Variants in PPARGC1A observed in about 807,000 individuals in gnomAD.
PPARGC1A encodes PPARG coactivator 1 alpha.
In PPARGC1A, 25 loss-of-function variants were observed where a neutral mutation model predicts 88.7. The observed-to-expected ratio is 0.28, with a 90% CI of 0.21 to 0.39. The LOEUF (loss-of-function observed/expected upper bound fraction) is 0.39, where lower values mean the gene tolerates loss of function less well. Ranked by LOEUF, PPARGC1A falls within the 10% of genes least tolerant of loss-of-function variation. PPARGC1A has a pLI of 1.00. For synonymous variants in PPARGC1A, 363 were observed against 355.6 expected (o/e 1.02, Z -0.24); for missense variants, 880 against 968.7 (o/e 0.91, Z 1.22).
chr4:24,053,496 A>AG, the PPARGC1A span, among the ~76,000 whole-genome samples: 80,751 of 151,760 alleles, frequency 0.53, 22,811 homozygotes, highest in Non-Finnish European at 0.64. Flanking sequence ...GGAAAAAATG[A>AG]GGGCAATAAG....
the PPARGC1A span, among the ~76,000 whole-genome samples, chr4:24,073,810 C>A: frequency 6.6e-6 from 1 of 152,196 alleles, no homozygotes; most frequent in East Asian, 1.9e-4. Context: ...ACTAGCACTG[C>A]ACTGGCCTCT....
the PPARGC1A span, among the ~76,000 whole-genome samples, chr4:24,189,660 T>C: frequency 3.8e-3 from 582 of 152,270 alleles, 1 homozygote; most frequent in Non-Finnish European, 7.0e-3. Context: ...TTCTGGCTTG[T>C]ATTCACAATT....
chr4:24,288,709 C>T, the PPARGC1A span, among the ~76,000 whole-genome samples: 1 of 151,932 alleles, frequency 6.6e-6, no homozygotes, highest in Non-Finnish European at 1.5e-5. Context: ...TCTACAAGAA[C>T]AAGACATGCA....
chr4:24,150,343 T>C, the PPARGC1A span, among the ~76,000 whole-genome samples: 1 of 152,220 alleles, frequency 6.6e-6, no homozygotes, highest in Non-Finnish European at 1.5e-5. Flanking sequence ...ATTAATGTAT[T>C]ATTCTTCAAC....
the PPARGC1A span, among the ~76,000 whole-genome samples, chr4:24,307,495 T>C: frequency 1.3e-5 from 2 of 152,206 alleles, no homozygotes; most frequent in Non-Finnish European, 2.9e-5. Context: ...TGTTGAGCAC[T>C]CTTGGGAATT....
At chr4:24,330,236 G>A in the PPARGC1A span, among the ~76,000 whole-genome samples, 2 of 152,212 alleles carry the variant, frequency 1.3e-5, no homozygotes, top group Non-Finnish European at 2.9e-5. Context: ...TCATGTGACT[G>A]CTTTGACCAA....
the PPARGC1A span, among the ~76,000 whole-genome samples, chr4:24,159,900 T>C: frequency 6.6e-6 from 1 of 152,182 alleles, no homozygotes; most frequent in Non-Finnish European, 1.5e-5. Flanking sequence ...CATATAGTGA[T>C]CACACTGCTG....
the PPARGC1A span, among the ~76,000 whole-genome samples, chr4:24,044,540 AC>A: frequency 0.17 from 26,310 of 152,062 alleles, 2,372 homozygotes; most frequent in Admixed American, 0.22. Context: ...ACCAGCATTA[AC>A]GGGTTTCATT....
chr4:24,029,961 C>T, the PPARGC1A span, among the ~76,000 whole-genome samples: 1 of 152,124 alleles, frequency 6.6e-6, no homozygotes, highest in Non-Finnish European at 1.5e-5. Flanking sequence ...GTAGAGGGGT[C>T]TGCAAGAGGG....
chr4:23,797,080 T>A (rs1183084915), intron 12 of PPARGC1A, among the ~76,000 whole-genome samples: 1 of 152,098 alleles, frequency 6.6e-6, no homozygotes, highest in Non-Finnish European at 1.5e-5. Flanking sequence ...CAAAGAAATG[T>A]CTTTATTTAT....
At chr4:24,046,253 T>G in the PPARGC1A span, among the ~76,000 whole-genome samples, 1 of 152,156 alleles carries the variant, frequency 6.6e-6, no homozygotes, top group Non-Finnish European at 1.5e-5. Context: ...TCAAGCACAT[T>G]ATTTCCCCCT....
chr4:24,313,157 G>A, the PPARGC1A span, among the ~76,000 whole-genome samples: 1 of 152,150 alleles, frequency 6.6e-6, no homozygotes. Flanking sequence ...GCTGCAAAGG[G>A]ATCAGTGAAT....
chr4:24,226,012 C>CAG, the PPARGC1A span, among the ~76,000 whole-genome samples: 150,651 of 152,274 alleles, frequency 0.99, 74,546 homozygotes, highest in Middle Eastern at 1. Flanking sequence ...ACCCACAAAA[C>CAG]GGGAAAGGAT....
chr4:24,035,259 A>G, the PPARGC1A span, among the ~76,000 whole-genome samples: 3 of 152,170 alleles, frequency 2.0e-5, no homozygotes, highest in Admixed American at 6.5e-5. Flanking sequence ...AAAACTTTGG[A>G]CCAGGTGTGG....
chr4:24,366,672 C>A, the PPARGC1A span, among the ~76,000 whole-genome samples: 1 of 152,104 alleles, frequency 6.6e-6, no homozygotes, highest in Non-Finnish European at 1.5e-5. Flanking sequence ...AAACTTGAGC[C>A]TGGTTCAAAG....
the PPARGC1A span, among the ~76,000 whole-genome samples, chr4:24,387,934 G>GGGAGAGGGAA: frequency 2.8e-5 from 2 of 71,458 alleles, no homozygotes; most frequent in African/African-American, 1.3e-4. Flanking sequence ...AAGAAAGAAA[G>GGGAGAGGGAA]AGAAAGAAAG....
At chr4:23,924,233 A>G in the PPARGC1A span, among the ~76,000 whole-genome samples, 1 of 152,192 alleles carries the variant, frequency 6.6e-6, no homozygotes, top group African/African-American at 2.4e-5. Context: ...ATGAAAACAA[A>G]TGCTTTGCCT....
chr4:24,065,346 A>G, the PPARGC1A span, among the ~76,000 whole-genome samples: 10 of 151,930 alleles, frequency 6.6e-5, no homozygotes, highest in African/African-American at 2.4e-4. Context: ...TCCTTCACTC[A>G]AGCTTTCATC....
chr4:24,301,957 A>C, the PPARGC1A span, among the ~76,000 whole-genome samples: 1 of 152,158 alleles, frequency 6.6e-6, no homozygotes, highest in African/African-American at 2.4e-5. Context: ...TGTGGAGGGC[A>C]TGCTGCTCTT....
Sources: allele counts gnomAD v4.1 joint callset (sites outside exome capture counted in the v4.1 genomes callset), GRCh38; gene constraint gnomAD v4.1.1; transcripts MANE v1.5; gene names NCBI Gene and HGNC (gene_info 2026-07-23, HGNC 2026-07-21).